ZNF716: variants seen among roughly 807,000 people sequenced by gnomAD.
ZNF716 encodes zinc finger protein 716.
In ZNF716, 9 loss-of-function variants were observed where a neutral mutation model predicts 13.4. That is an observed-to-expected ratio of 0.67 (90% CI 0.41 to 1.18). ZNF716 has a LOEUF of 1.18. Among genes scored for constraint, ZNF716 ranks in the 50% most tolerant of loss-of-function variants. ZNF716 has a pLI of 0.01. For missense variants in ZNF716, 581 were observed against 576.6 expected (o/e 1.01, Z -0.08); for synonymous variants, 186 against 195.2 (o/e 0.95, Z 0.39).
At position 57,471,622 on chromosome 7, in the gene ZNF716, C is replaced by T. The variant is rs1464760869; in HGVS notation, c.*1673C>T. The T allele has an allele frequency of 2.6e-5, 4 of 152,088 alleles. No individual in the cohort carries two copies. The highest frequency in any genetic ancestry group is 4.4e-5 in the Non-Finnish European group (3 of 67,990). The allele number at this position is 152,088 out of a possible 1,614,324, so 9.4% of individuals were successfully genotyped here. ...CAGATGCTCAAACTTTGTTGAACATCGGAGAATTTATATTGGAGAGAAAGT... is the reference window on the plus strand; with the variant it reads ...CAGATGCTCAAACTTTGTTGAACATTGGAGAATTTATATTGGAGAGAAAGT... On this transcript the variant is annotated 3_prime_UTR_variant, in exon 4 of 4. Coordinates refer to ENST00000420713, the MANE Select transcript of ZNF716 (RefSeq NM_001159279.1).
chr7:57,463,368 G>GTTTAT lies in ZNF716; in HGVS notation c.262+204_262+205insTTTTA, dbSNP rs1331826482. Among the ~76,000 whole-genome samples the GTTTAT allele has an allele frequency of 4.6e-5, 7 of 152,232 alleles. No individual in the cohort carries two copies. In the South Asian group the frequency reaches 1.5e-3, roughly 32 times the overall value. On this transcript the variant is annotated intron_variant, in intron 3 of 3. Transcript: ENST00000420713. ...AAATTCTCTAAGGATTCTACTTTCG[G>GTTTAT]TTTAGTATTCTTCCTTCAAGTTCAT... is the stretch of plus-strand genomic sequence containing the variant.
chr7:57,458,772 A>G (rs1554322530), intron 1 of ZNF716, among the ~76,000 whole-genome samples: 1 of 152,130 alleles, frequency 6.6e-6, no homozygotes, highest in Admixed American at 6.5e-5. Context: ...ATAAATATTT[A>G]TGTTTCAACC....
rs1328363133 is a variant in ZNF716, at chr7:57,464,120, TTC to T, written c.262+954_262+955del. 8.9e-5 allele frequency among the ~76,000 whole-genome samples: 10 copies of T among 112,928 alleles called. 2 individuals carry two copies. In the South Asian group the frequency reaches 1.3e-3, roughly 15 times the overall value. The allele number at this position is 112,928 out of a possible 152,430, so 74.1% of individuals were successfully genotyped here. On this transcript the variant is annotated intron_variant, in intron 3 of 3. Coordinates refer to ENST00000420713, the MANE Select transcript of ZNF716 (RefSeq NM_001159279.1). ...GTTCAATCATTTGTCCATTTCTTTT[TTC>T]TTTTTTTTTTTTTTTTGAGATGGAG...
chr7:57,468,296 G>A (rs1182870616), intron 3 of ZNF716, among the ~76,000 whole-genome samples: 1 of 152,096 alleles, frequency 6.6e-6, no homozygotes, highest in Non-Finnish European at 1.5e-5. Flanking sequence ...AAGTATACCA[G>A]CATTTCATTC....
Position 57,472,684 on chromosome 7 carries a change from C to T in ZNF716, c.*2735C>T, listed in dbSNP as rs1222828636. On this transcript the variant is annotated 3_prime_UTR_variant, in exon 4 of 4. Coordinates refer to ENST00000420713, the MANE Select transcript of ZNF716 (RefSeq NM_001159279.1). Reference sequence around the variant, plus strand: ...GTTTCCCCATGTTGGCCAGGCTGGTCTCAAACTCCTGACCTCAGGTGATAC... The same window carrying T: ...GTTTCCCCATGTTGGCCAGGCTGGTTTCAAACTCCTGACCTCAGGTGATAC... The T allele has an allele frequency of 6.6e-6, 1 of 152,162 alleles. No individual in the cohort carries two copies. Among genetic ancestry groups the T allele is most frequent in the African/African-American group, 2.4e-5 (1 of 41,428 alleles). 9.4% of individuals were successfully genotyped at this position (152,162 alleles called of 1,614,324 possible). A position where few individuals can be genotyped will look rare whatever the true frequency, so the allele number is the denominator to read the frequency against.
chr7:57,457,577 C>G (rs1299479305), intron 1 of ZNF716, among the ~76,000 whole-genome samples: 2 of 152,148 alleles, frequency 1.3e-5, no homozygotes, highest in Admixed American at 1.3e-4. Flanking sequence ...CTCCTGGCCT[C>G]AGGTGATCTG....
rs879958806 is a variant in ZNF716, at chr7:57,470,105, T to TA, written c.*166dup. 2,737 of 672,282 alleles carry TA rather than the reference T, an allele frequency of 4.1e-3. No individual in the cohort carries two copies. Among genetic ancestry groups the TA allele is most frequent in the South Asian group, 7.4e-3 (233 of 31,474 alleles). The allele number at this position is 672,282 out of a possible 1,614,324, so 41.6% of individuals were successfully genotyped here. A position where few individuals can be genotyped will look rare whatever the true frequency, so the allele number is the denominator to read the frequency against. On this transcript the variant is annotated 3_prime_UTR_variant, in exon 4 of 4. Transcript: ENST00000420713. ...ATATTGGACAAAAGTCTTATAAATG[T>TA]AAAAAAAAAAGTAACAGCCTTTAAC...
chr7:57,465,506 C>A (rs1459248067), intron 3 of ZNF716, among the ~76,000 whole-genome samples: 1 of 152,132 alleles, frequency 6.6e-6, no homozygotes, highest in Non-Finnish European at 1.5e-5. Flanking sequence ...ACATACCCCA[C>A]CATGCCCAGC....
chr7:57,453,348 T>G (rs1348241721), intron 1 of ZNF716, among the ~76,000 whole-genome samples: 1 of 152,178 alleles, frequency 6.6e-6, no homozygotes, highest in African/African-American at 2.4e-5. Flanking sequence ...ATTTGACACA[T>G]GAGTCAGACA....
intron 1 of ZNF716, among the ~76,000 whole-genome samples, chr7:57,459,390 C>T (rs1789665861): frequency 6.6e-6 from 1 of 151,676 alleles, no homozygotes; most frequent in African/African-American, 2.4e-5. Context: ...AAAAAGCCAA[C>T]AAAAAATATA....
chr7:57,450,194 C>A lies in ZNF716; in HGVS notation c.-95C>A. On this transcript the variant is annotated 5_prime_UTR_variant, in exon 1 of 4. Transcript: ENST00000420713. ...TACGGGTTCTTTTTGCTTCTCTGCG[C>A]CCAGAGCTCCAGTCCTTCTCTTCAC... The A allele has an allele frequency of 6.3e-7, 1 of 1,580,514 alleles. No homozygotes were observed. The highest frequency in any genetic ancestry group is 8.6e-7 in the Non-Finnish European group (1 of 1,157,308).
In ZNF716 at chr7:57,469,686, A is replaced by C. The variant is rs13235676; in HGVS notation, c.1225A>C (p.Lys409Gln). The C allele has an allele frequency of 0.39, 629,313 of 1,610,926 alleles. 123,074 individuals are homozygous for C. The highest frequency in any genetic ancestry group is 0.48 in the East Asian group (21,527 of 44,624). ...AACTCATACTGGAGAGAAACCCTACAAATGTGAAGAATGTGGCAAAGCCTT... is the reference window on the plus strand; with the variant it reads ...AACTCATACTGGAGAGAAACCCTACCAATGTGAAGAATGTGGCAAAGCCTT... ...KRTHTGEKPY[K>Q]CEECGKAFNC... The change falls in exon 4 of 4, where the codon AAA (lysine) becomes CAA (glutamine). Residue 409 changes from lysine to glutamine, a missense_variant. Lys to Gln is a moderately conservative substitution (Grantham distance 53). Transcript: ENST00000420713.
chr7:57,451,441 ATTTTTTT>A (rs782311074), intron 1 of ZNF716, among the ~76,000 whole-genome samples: 19 of 89,034 alleles, frequency 2.1e-4, no homozygotes, highest in Middle Eastern at 0.013. Flanking sequence ...TTTCCCTTGG[ATTTTTTT>A]TTTTTTTTTT....
intron 1 of ZNF716, among the ~76,000 whole-genome samples, chr7:57,461,142 G>A (rs1789702681): frequency 6.6e-6 from 1 of 151,954 alleles, no homozygotes; most frequent in Admixed American, 6.6e-5. Context: ...GCCTGGCATG[G>A]TAGCGTGTAC....
Position 57,469,276 on chromosome 7 carries a change from A to T in ZNF716, c.815A>T (p.Glu272Val), listed in dbSNP as rs782529023. The change falls in exon 4 of 4, where the codon GAA becomes GTA. Residue 272 changes from glutamate (E) to valine (V), a missense_variant. Transcript: ENST00000420713. Reference protein sequence around the residue: ...IHTGEKPYTCEERGKVFSRST... With the variant: ...IHTGEKPYTCVERGKVFSRST... ...ACTGGAGAGAAACCTTACACATGTGAAGAACGTGGCAAAGTCTTTAGCCGC... is the reference window on the plus strand; with the variant it reads ...ACTGGAGAGAAACCTTACACATGTGTAGAACGTGGCAAAGTCTTTAGCCGC... The T allele has an allele frequency of 6.3e-7, 1 of 1,590,920 alleles. No individual in the cohort carries two copies. The highest frequency in any genetic ancestry group is 2.3e-5 in the East Asian group (1 of 43,416).
chr7:57,469,033 G>C lies in ZNF716; in HGVS notation c.572G>C (p.Gly191Ala). 6.2e-7 allele frequency: 1 copy of C among 1,607,650 alleles called. No individual in the cohort carries two copies. The highest frequency in any genetic ancestry group is 8.5e-7 in the Non-Finnish European group (1 of 1,176,342). Residue 191 changes from glycine to alanine, a missense_variant, in exon 4 of 4, where the codon GGC (glycine) becomes GCC (alanine). By Grantham distance (60) the Gly-to-Ala change is moderately conservative. Coordinates refer to ENST00000420713, the MANE Select transcript of ZNF716 (RefSeq NM_001159279.1). ...AAACATTTCAAATGTAAAAACGATG[G>C]CAAATCATTTTGCATGCTTTCACGC... ...GKKHFKCKND[G>A]KSFCMLSRLN...
At position 57,473,174 on chromosome 7, in the gene ZNF716, GACAA is replaced by G. The variant is rs1279380901; in HGVS notation, c.*3231_*3234del. The G allele has an allele frequency of 2.0e-5, 3 of 151,964 alleles. No individual in the cohort carries two copies. The highest frequency in any genetic ancestry group is 2.9e-5 in the Non-Finnish European group (2 of 68,006). 9.4% of individuals were successfully genotyped at this position (151,964 alleles called of 1,614,324 possible). ...TTTTTGCACATGTGGCATCTCTGCT[GACAA>G]ACAAAAACAGACTTTTAGTTTCAAT... On this transcript the variant is annotated 3_prime_UTR_variant, in exon 4 of 4. Transcript: ENST00000420713.
intron 1 of ZNF716, among the ~76,000 whole-genome samples, chr7:57,459,083 G>A (rs1208841713): frequency 1.3e-5 from 2 of 152,066 alleles, no homozygotes; most frequent in Non-Finnish European, 2.9e-5. Context: ...TTATGTAATT[G>A]TATCATTTCA....
At chr7:57,458,289 C>T (rs547130807) in intron 1 of ZNF716, among the ~76,000 whole-genome samples, 1 of 152,262 alleles carries the variant, frequency 6.6e-6, no homozygotes, top group African/African-American at 2.4e-5. Flanking sequence ...ATAAGCATTC[C>T]CTTTCTTCAC....
Sources: gnomAD v4.1 joint callset for allele counts (sites outside exome capture counted in the v4.1 genomes callset) on GRCh38, gnomAD v4.1.1 for gene constraint, MANE v1.5 for transcripts, NCBI Gene and HGNC (gene_info 2026-07-23, HGNC 2026-07-21) for gene names.